Variants in SORBS3 observed in about 807,000 individuals in gnomAD.
SORBS3 encodes the protein vinexin.
In SORBS3, 69 loss-of-function variants were observed where a neutral mutation model predicts 98.0. That is an observed-to-expected ratio of 0.70 (90% CI 0.58 to 0.86). The LOEUF is 0.86. Among genes scored for constraint, SORBS3 ranks in the 40% least tolerant of loss-of-function variants. The pLI is 0.00. For missense variants in SORBS3, 954 were observed against 908.5 expected (o/e 1.05, Z -0.64); for synonymous variants, 394 against 355.4 (o/e 1.11, Z -1.22).
chr8:22,561,764 G>A (rs1406913848), intron 6 of SORBS3, 101 bp from the exon 7 acceptor site: 1 of 1,055,324 alleles, frequency 9.5e-7, no homozygotes, highest in Non-Finnish European at 1.5e-6. Flanking sequence ...GGAGCAAGGG[G>A]GTGGTGCTGA....
Position 22,563,982 on chromosome 8 carries a change from T to C in SORBS3, c.585-5T>C, listed in dbSNP as rs1840349031. ...AGCTGAAGAGATGTCCTTCCCTTTC[T>C]TTAGAAGAAGCTGGGACCACTCTGA... On this transcript the variant is annotated splice_polypyrimidine_tract_variant and splice_region_variant and intron_variant, in intron 7 of 20. Coordinates refer to ENST00000240123, the MANE Select transcript of SORBS3 (RefSeq NM_005775.5). The C allele has an allele frequency of 5.0e-6, 8 of 1,611,780 alleles. No individual in the cohort carries two copies. In the South Asian group the frequency reaches 6.6e-5, roughly 13 times the overall value.
rs770802641 is a variant in SORBS3, at chr8:22,572,397, G to C, written c.1905G>C (p.Glu635Asp). Residue 635 changes from glutamate to aspartate, a missense_variant, in exon 20 of 21, where the codon GAG becomes GAC. Glu to Asp is a conservative substitution (Grantham distance 45). Coordinates refer to ENST00000240123, the MANE Select transcript of SORBS3 (RefSeq NM_005775.5). Reference protein sequence around the residue: ...PQNEDELELREGDRVDVMQQC... With the variant: ...PQNEDELELRDGDRVDVMQQC... ...ACGAAGACGAGCTGGAGCTGCGCGA[G>C]GGGGACAGGGTGGATGTCATGCAGC... 1 of 1,614,058 alleles carries C rather than the reference G, an allele frequency of 6.2e-7. No homozygotes were observed. Among genetic ancestry groups the C allele is most frequent in the Admixed American group, 1.7e-5 (1 of 60,032 alleles).
chr8:22,567,258 C>T (rs2117274946), intron 16 of SORBS3, 83 bp downstream of exon 16: 7 of 1,015,708 alleles, frequency 6.9e-6, no homozygotes, highest in Non-Finnish European at 1.0e-5. Flanking sequence ...CCTTGGGTTT[C>T]CTAAAGCAAA....
chr8:22,571,336 G>T (rs1840578637), intron 18 of SORBS3, 115 bp downstream of exon 18: 1 of 654,792 alleles, frequency 1.5e-6, no homozygotes, highest in Non-Finnish European at 2.6e-6. Flanking sequence ...ACATAGGAGT[G>T]GGGTGACAGG....
chr8:22,564,523 T>C lies in SORBS3; in HGVS notation c.816+2T>C. The C allele has an allele frequency of 6.2e-7, 1 of 1,613,874 alleles. No homozygotes were observed. Among genetic ancestry groups the C allele is most frequent in the Non-Finnish European group, 8.5e-7 (1 of 1,179,964 alleles). On this transcript the variant is annotated splice_donor_variant, in intron 10 of 20. Coordinates refer to ENST00000240123, the MANE Select transcript of SORBS3 (RefSeq NM_005775.5). LOFTEE classifies it high-confidence loss of function. ...GAGAAGCCCTCCCAGCCCATTGAGG[T>C]GAGTGCTGCAGGGTGCTGGGGACAG...
intron 17 of SORBS3, 45 bp downstream of exon 17, chr8:22,569,318 A>G: frequency 2.0e-6 from 3 of 1,497,894 alleles, no homozygotes; most frequent in Non-Finnish European, 2.7e-6. Context: ...GCAGGTGAAG[A>G]TGTAGGTAAA....
At chr8:22,551,856 C>A (rs933320878), upstream of SORBS3, 28 of 985,302 alleles carry the variant, frequency 2.8e-5, no homozygotes, top group Non-Finnish European at 3.3e-5. This position sits in a 1 kb window ranked among gnomAD's most constrained non-coding sequence, Gnocchi z 5.8. Flanking sequence ...CTTCCTGCGC[C>A]GGCGCCCGGC....
chr8:22,552,874 T>TG (rs1244106743), intron 1 of SORBS3, among the ~76,000 whole-genome samples: 13 of 152,294 alleles, frequency 8.5e-5, no homozygotes, highest in Admixed American at 7.2e-4. Flanking sequence ...TGTTTTGCTT[T>TG]GGTGGGAGTC....
upstream of SORBS3, among the ~76,000 whole-genome samples, chr8:22,548,350 C>T (rs1466012915): frequency 2.0e-5 from 3 of 152,048 alleles, no homozygotes; most frequent in Admixed American, 2.0e-4. Flanking sequence ...AGGGATGGAG[C>T]CCAGGGCATG....
Position 22,572,323 on chromosome 8 carries a change from T to C in SORBS3, c.1848-17T>C. ...CTCTGGGCCCATTCTCTGGTTGCCATGATACGCTTCTCGCAGGTACCGGGC... is the reference window on the plus strand; with the variant it reads ...CTCTGGGCCCATTCTCTGGTTGCCACGATACGCTTCTCGCAGGTACCGGGC... On this transcript the variant is annotated splice_polypyrimidine_tract_variant and intron_variant, in intron 19 of 20. Coordinates refer to ENST00000240123, the MANE Select transcript of SORBS3 (RefSeq NM_005775.5). 6.2e-7 allele frequency: 1 copy of C among 1,609,926 alleles called. No individual in the cohort carries two copies. The highest frequency in any genetic ancestry group is 8.5e-7 in the Non-Finnish European group (1 of 1,176,320).
intron 17 of SORBS3, among the ~76,000 whole-genome samples, chr8:22,569,627 C>T (rs769903505): frequency 7.9e-5 from 12 of 152,188 alleles, no homozygotes; most frequent in East Asian, 3.9e-4. Flanking sequence ...CGTGAGCCAC[C>T]GCGCCTGGCC....
chr8:22,550,519 A>G (rs995830334), upstream of SORBS3, among the ~76,000 whole-genome samples: 1 of 152,220 alleles, frequency 6.6e-6, no homozygotes, highest in African/African-American at 2.4e-5. Flanking sequence ...GCCTATCTGA[A>G]GCTTCTCAAC....
chr8:22,552,414 G>T (rs910800968), intron 1 of SORBS3, among the ~76,000 whole-genome samples: 11 of 152,222 alleles, frequency 7.2e-5, no homozygotes, highest in Non-Finnish European at 1.3e-4. Context: ...CTACATGGGG[G>T]ACCAGTCCCC....
intron 19 of SORBS3, 40 bp from the exon 20 acceptor site, chr8:22,572,300 C>G: frequency 6.4e-7 from 1 of 1,556,134 alleles, no homozygotes; most frequent in South Asian, 1.1e-5. Flanking sequence ...GTTAGAGCCT[C>G]TGGGCCCATT....
In SORBS3 at chr8:22,561,978, G is replaced by T. The variant is rs192980720; in HGVS notation, c.584+47G>T. ...CGAGGGCTGCGGAGGGGCGCGGCCC[G>T]CGAGACACCATGGGACGGGCGCCCC... On this transcript the variant is annotated intron_variant, in intron 7 of 20. Coordinates refer to ENST00000240123, the MANE Select transcript of SORBS3 (RefSeq NM_005775.5). The T allele has an allele frequency of 5.7e-6, 9 of 1,572,952 alleles. No homozygotes were observed. In the East Asian group the frequency reaches 1.6e-4, roughly 27 times the overall value.
intron 11 of SORBS3, 129 bp from the exon 12 acceptor site, chr8:22,565,697 C>T: frequency 8.2e-7 from 1 of 1,215,412 alleles, no homozygotes; most frequent in Non-Finnish European, 1.0e-6. Flanking sequence ...GCCGCGCGGG[C>T]GCCTCTAGGA....
chr8:22,569,317 G>A (rs1488069818), intron 17 of SORBS3, 44 bp downstream of exon 17: 1 of 1,509,568 alleles, frequency 6.6e-7, no homozygotes, highest in East Asian at 2.5e-5. Context: ...GGCAGGTGAA[G>A]ATGTAGGTAA....
intron 1 of SORBS3, among the ~76,000 whole-genome samples, chr8:22,552,819 C>G (rs1373405873): frequency 6.6e-6 from 1 of 152,230 alleles, no homozygotes; most frequent in African/African-American, 2.4e-5. Context: ...CCTCAACTCC[C>G]CCCCGCAAGG....
intron 12 of SORBS3, chr8:22,566,103 G>A: frequency 1.7e-6 from 1 of 571,700 alleles, no homozygotes. Context: ...GCCGCCGGGG[G>A]CGCAGCGCGG....
Sources: gnomAD v4.1 joint callset for allele counts (sites outside exome capture counted in the v4.1 genomes callset) on GRCh38, gnomAD v4.1.1 for gene constraint, Gnocchi (gnomAD v3.1) non-coding constraint, MANE v1.5 for transcripts, NCBI Gene and HGNC (gene_info 2026-07-23, HGNC 2026-07-21) for gene names.